Variants in CACNG1 observed in about 807,000 individuals in gnomAD.
CACNG1 encodes voltage-dependent calcium channel gamma-1 subunit.
In CACNG1, 21 loss-of-function variants were observed where a neutral mutation model predicts 22.0. That is an observed-to-expected ratio of 0.95 (90% CI 0.68 to 1.37). CACNG1 has a LOEUF of 1.37. Ranked by LOEUF, CACNG1 falls within the 40% of genes most tolerant of loss-of-function variation. The pLI is 0.00. For synonymous variants in CACNG1, 127 were observed against 129.2 expected (o/e 0.98, Z 0.12); for missense variants, 291 against 308.6 (o/e 0.94, Z 0.43).
Position 67,055,273 on chromosome 17 carries a change from C to G in CACNG1, c.442+33C>G, listed in dbSNP as rs373779390. 1.4e-5 allele frequency: 22 copies of G among 1,597,864 alleles called. No individual in the cohort carries two copies. In the Middle Eastern group the frequency reaches 1.0e-3, roughly 73 times the overall value. ...GGGGGATCTGCCTGAGCGCCGGGGC[C>G]GGGGGACCATGTCGCGGGGGATTCT... On this transcript the variant is annotated intron_variant, in intron 3 of 3. Coordinates refer to ENST00000226021, the MANE Select transcript of CACNG1 (RefSeq NM_000727.4). The surrounding 1 kb of genome is among the most constrained non-coding windows in gnomAD (Gnocchi z 4.5).
At chr17:67,053,892 G>A in intron 1 of CACNG1, 104 bp from the exon 2 acceptor site, 1 of 802,436 alleles carries the variant, frequency 1.2e-6, no homozygotes, top group Non-Finnish European at 2.2e-6. Context: ...GAGGCTGCCA[G>A]AGCCCCCTGC....
In CACNG1 at chr17:67,044,571, C is replaced by T. The variant is rs2035683028; in HGVS notation, c.-90C>T. ...TAGTGGCCACTCCCAGCTCGACAACCACTGCCACCCCCCAAGCTCGGCTTG... is the reference window on the plus strand; with the variant it reads ...TAGTGGCCACTCCCAGCTCGACAACTACTGCCACCCCCCAAGCTCGGCTTG... On this transcript the variant is annotated 5_prime_UTR_variant, in exon 1 of 4. Transcript: ENST00000226021. The surrounding 1 kb of genome is among the most constrained non-coding windows in gnomAD (Gnocchi z 6.9). 3.6e-6 allele frequency: 3 copies of T among 829,810 alleles called. No individual in the cohort carries two copies. Among genetic ancestry groups the T allele is most frequent in the African/African-American group, 3.3e-5 (2 of 60,262 alleles). The allele number at this position is 829,810 out of a possible 1,614,324, so 51.4% of individuals were successfully genotyped here.
At position 67,055,044 on chromosome 17, in the gene CACNG1, G is replaced by T. The variant is rs552593655; in HGVS notation, c.305-59G>T. 4.5e-5 allele frequency: 71 copies of T among 1,565,176 alleles called. 1 individual carries two copies. The Admixed American group carries it at 1.1e-3, about 24-fold the overall frequency. On this transcript the variant is annotated intron_variant, in intron 2 of 3. Coordinates refer to ENST00000226021, the MANE Select transcript of CACNG1 (RefSeq NM_000727.4). The surrounding 1 kb of genome is among the most constrained non-coding windows in gnomAD (Gnocchi z 4.5). ...TGTGGTGCATGGTGTGGTCCCTAACGAGCCATGACAAGAGCTCCCATGCTG... is the reference window on the plus strand; with the variant it reads ...TGTGGTGCATGGTGTGGTCCCTAACTAGCCATGACAAGAGCTCCCATGCTG...
rs1441736432 is a variant in CACNG1, at chr17:67,045,521, CTTCT to C, written c.229+635_229+638del. On this transcript the variant is annotated intron_variant, in intron 1 of 3. Transcript: ENST00000226021. ...CTGTAGGTGAGCCACCTGCCCCCAC[CTTCT>C]TTTTTTTTTTTTTTTTTTTTTTGAG... Among the ~76,000 whole-genome samples the C allele has an allele frequency of 5.2e-3, 733 of 141,046 alleles. 7 individuals are homozygous for C. The highest frequency in any genetic ancestry group is 0.021 in the African/African-American group (687 of 33,210). The allele number at this position is 141,046 out of a possible 152,430, so 92.5% of individuals were successfully genotyped here.
chr17:67,049,043 A>T (rs2035713281), intron 1 of CACNG1, among the ~76,000 whole-genome samples: 1 of 152,214 alleles, frequency 6.6e-6, no homozygotes, highest in African/African-American at 2.4e-5. Flanking sequence ...TGGATGAAAA[A>T]CGTTAAAAAT....
chr17:67,054,034 G>A lies in CACNG1; in HGVS notation c.268G>A (p.Glu90Lys), dbSNP rs749094535. The change falls in exon 2 of 4, where the codon GAG (glutamate) becomes AAG (lysine). Residue 90 changes from glutamate to lysine, a missense_variant. By Grantham distance (56) the Glu-to-Lys change is moderately conservative. Coordinates refer to ENST00000226021, the MANE Select transcript of CACNG1 (RefSeq NM_000727.4). The surrounding 1 kb of genome is among the most constrained non-coding windows in gnomAD (Gnocchi z 4.6). ...CTACTTCAGGCATTTTAACCCCGGC[G>A]AGAGCTCGGAGATCTTCGAATTCAC... is the stretch of plus-strand genomic sequence containing the variant. ...CSYFRHFNPG[E>K]SSEIFEFTTQ... 8 of 1,614,010 alleles carry A rather than the reference G, an allele frequency of 5.0e-6. No individual in the cohort carries two copies. The highest frequency in any genetic ancestry group is 2.2e-5 in the East Asian group (1 of 44,884).
intron 1 of CACNG1, among the ~76,000 whole-genome samples, chr17:67,051,288 C>A (rs2046795264): frequency 6.6e-6 from 1 of 152,134 alleles, no homozygotes; most frequent in Admixed American, 6.5e-5. Flanking sequence ...CAGGACCCTG[C>A]ACCCTCTTGA....
At chr17:67,053,862 T>G in intron 1 of CACNG1, 134 bp from the exon 2 acceptor site, 2 of 705,008 alleles carry the variant, frequency 2.8e-6, no homozygotes, top group Non-Finnish European at 2.6e-6. Flanking sequence ...TCAGCCCAGA[T>G]TAAGGATCTG....
At position 67,044,747 on chromosome 17, in the gene CACNG1, C is replaced by A. The variant is rs141232994; in HGVS notation, c.87C>A (p.Thr29=). ...GIVLAMTAVV[T]DHWAVLSPHM... ...TGCTGGCCATGACAGCCGTGGTAAC[C>A]GACCACTGGGCTGTGCTGAGCCCCC... Residue 29 remains threonine (T), a synonymous_variant, in exon 1 of 4, where the codon ACC becomes ACA. Coordinates refer to ENST00000226021, the MANE Select transcript of CACNG1 (RefSeq NM_000727.4). This position sits in a 1 kb window ranked among gnomAD's most constrained non-coding sequence, Gnocchi z 6.9. 5 of 1,612,840 alleles carry A rather than the reference C, an allele frequency of 3.1e-6. No individual in the cohort carries two copies. In the East Asian group the frequency reaches 1.1e-4, roughly 36 times the overall value.
At chr17:67,047,830 A>G (rs1424562274) in intron 1 of CACNG1, among the ~76,000 whole-genome samples, 1 of 152,054 alleles carries the variant, frequency 6.6e-6, no homozygotes, top group Non-Finnish European at 1.5e-5. Context: ...ACAATGCTAT[A>G]TGCATGCTCA....
chr17:67,050,046 A>T (rs1340214893), intron 1 of CACNG1, among the ~76,000 whole-genome samples: 1 of 152,200 alleles, frequency 6.6e-6, no homozygotes, highest in African/African-American at 2.4e-5. Flanking sequence ...GAAAGTCCAA[A>T]TGAACCCGCA....
Position 67,054,176 on chromosome 17 carries a change from A to G in CACNG1, c.304+106A>G, listed in dbSNP as rs1192343787. On this transcript the variant is annotated intron_variant, in intron 2 of 3. Coordinates refer to ENST00000226021, the MANE Select transcript of CACNG1 (RefSeq NM_000727.4). The surrounding 1 kb of genome is among the most constrained non-coding windows in gnomAD (Gnocchi z 4.6). ...AAAAGCACTGACTTCCTCACGCCTGATGAGAAGAAGCCTGTGGTGCATTTG... is the reference window on the plus strand; with the variant it reads ...AAAAGCACTGACTTCCTCACGCCTGGTGAGAAGAAGCCTGTGGTGCATTTG... The G allele has an allele frequency of 6.6e-6, 6 of 906,786 alleles. No individual in the cohort carries two copies. Among genetic ancestry groups the G allele is most frequent in the African/African-American group, 1.6e-5 (1 of 61,194 alleles). The allele number at this position is 906,786 out of a possible 1,614,324, so 56.2% of individuals were successfully genotyped here. A position where few individuals can be genotyped will look rare whatever the true frequency, so the allele number is the denominator to read the frequency against.
At position 67,055,157 on chromosome 17, in the gene CACNG1, T is replaced by C. The variant is rs746596639; in HGVS notation, c.359T>C (p.Leu120Pro). The C allele has an allele frequency of 4.3e-5, 69 of 1,614,122 alleles. No individual in the cohort carries two copies. The highest frequency in any genetic ancestry group is 5.7e-5 in the Non-Finnish European group (67 of 1,180,040). ...ATCTTCAGCCTTGGCTTCATCATCCTGGGCAGCCTCTGTGTCCTCCTGTCC... is the reference window on the plus strand; with the variant it reads ...ATCTTCAGCCTTGGCTTCATCATCCCGGGCAGCCTCTGTGTCCTCCTGTCC... ...IAIFSLGFIILGSLCVLLSLG... is the reference protein window; with the variant it reads ...IAIFSLGFIIPGSLCVLLSLG... Residue 120 changes from leucine to proline, a missense_variant, in exon 3 of 4, where the codon CTG becomes CCG. Leu to Pro is a moderately conservative substitution (Grantham distance 98). Coordinates refer to ENST00000226021, the MANE Select transcript of CACNG1 (RefSeq NM_000727.4). This position sits in a 1 kb window ranked among gnomAD's most constrained non-coding sequence, Gnocchi z 4.5.
rs746333996 is a variant in CACNG1, at chr17:67,054,916, GAC to G, written c.305-177_305-176del. On this transcript the variant is annotated intron_variant, in intron 2 of 3. Transcript: ENST00000226021. The surrounding 1 kb of genome is among the most constrained non-coding windows in gnomAD (Gnocchi z 4.6). ...ACACACAATGACACACACAGACACT[GAC>G]ACACACACAGATACACACATACAAT... is the stretch of plus-strand genomic sequence containing the variant. Among the ~76,000 whole-genome samples the G allele has an allele frequency of 3.4e-5, 5 of 148,890 alleles. No homozygotes were observed. The South Asian group carries it at 8.5e-4, about 25-fold the overall frequency.
intron 1 of CACNG1, among the ~76,000 whole-genome samples, chr17:67,048,547 G>T (rs935303486): frequency 2.6e-5 from 4 of 152,086 alleles, no homozygotes; most frequent in Non-Finnish European, 4.4e-5. Context: ...GAACTAAAAT[G>T]ATAAGGGGCA....
chr17:67,051,053 C>A (rs976961631), intron 1 of CACNG1, among the ~76,000 whole-genome samples: 1 of 152,148 alleles, frequency 6.6e-6, no homozygotes, highest in African/African-American at 2.4e-5. Flanking sequence ...GAAGCCAGGG[C>A]AGCGGGGCAG....
In CACNG1 at chr17:67,053,974, C is replaced by T. The variant is rs375191225; in HGVS notation, c.230-22C>T. 13 of 1,603,688 alleles carry T rather than the reference C, an allele frequency of 8.1e-6. No individual in the cohort carries two copies. The East Asian group carries it at 2.7e-4, about 33-fold the overall frequency. On this transcript the variant is annotated intron_variant, in intron 1 of 3. Coordinates refer to ENST00000226021, the MANE Select transcript of CACNG1 (RefSeq NM_000727.4). ...GCTACGGGTTGCTCCCCTCAACTCA[C>T]AGTCTGTCTCCTCCTTTGCAGAGAA...
chr17:67,044,945 C>A lies in CACNG1; in HGVS notation c.229+56C>A. 2 of 1,459,540 alleles carry A rather than the reference C, an allele frequency of 1.4e-6. No homozygotes were observed. The highest frequency in any genetic ancestry group is 1.2e-5 in the South Asian group (1 of 83,306). The allele number at this position is 1,459,540 out of a possible 1,614,324, so 90.4% of individuals were successfully genotyped here. A position where few individuals can be genotyped will look rare whatever the true frequency, so the allele number is the denominator to read the frequency against. ...ACCTCCTGCTCTTCCCCGTCATCCCCCTGGCAAAGTTGCCCTTGCGAAGGA... is the reference window on the plus strand; with the variant it reads ...ACCTCCTGCTCTTCCCCGTCATCCCACTGGCAAAGTTGCCCTTGCGAAGGA... On this transcript the variant is annotated intron_variant, in intron 1 of 3. Coordinates refer to ENST00000226021, the MANE Select transcript of CACNG1 (RefSeq NM_000727.4). This position sits in a 1 kb window ranked among gnomAD's most constrained non-coding sequence, Gnocchi z 6.9.
chr17:67,047,455 C>T (rs113290505), intron 1 of CACNG1, among the ~76,000 whole-genome samples: 1,939 of 152,216 alleles, frequency 0.013, 15 homozygotes, highest in Non-Finnish European at 0.018. Context: ...ACCAACATTC[C>T]GTAATCACAG....
Sources: gnomAD v4.1 joint callset for allele counts (sites outside exome capture counted in the v4.1 genomes callset) on GRCh38, gnomAD v4.1.1 for gene constraint, Gnocchi (gnomAD v3.1) non-coding constraint, MANE v1.5 for transcripts, NCBI Gene and HGNC (gene_info 2026-07-23, HGNC 2026-07-21) for gene names.